VPS53: variants seen among roughly 807,000 people sequenced by gnomAD.
VPS53 encodes the protein vacuolar protein sorting-associated protein 53 homolog.
Under a neutral mutation model 107.0 loss-of-function variants are expected in VPS53, and 70 were observed. The observed-to-expected ratio is 0.65, with a 90% CI of 0.54 to 0.80. VPS53 has a LOEUF of 0.80. Among genes scored for constraint, VPS53 ranks in the 30% least tolerant of loss-of-function variants. The pLI, the probability that VPS53 is intolerant of heterozygous loss-of-function variation, is 0.00. For missense variants in VPS53, 917 were observed against 1,049.4 expected, an observed-to-expected ratio of 0.87 and a Z score of 1.74; for synonymous variants, 409 against 393.3, an observed-to-expected ratio of 1.04 and a Z score of -0.47.
At chr17:656,733 TTATC>T (rs1393991418) in intron 5 of VPS53, 28 of 754,118 alleles carry the variant, frequency 3.7e-5, no homozygotes, top group Middle Eastern at 5.1e-4. Flanking sequence ...TGTGTGTGTT[TTATC>T]ATGCCACATT....
At chr17:605,717 G>A (rs529493127) in intron 11 of VPS53, among the ~76,000 whole-genome samples, 1 of 134,430 alleles carries the variant, frequency 7.4e-6, no homozygotes, top group Non-Finnish European at 1.6e-5. Flanking sequence ...ATATTGGTGA[G>A]TCAGGGACGG....
chr17:700,939 G>A (rs1308008573), intron 2 of VPS53, among the ~76,000 whole-genome samples: 1 of 152,190 alleles, frequency 6.6e-6, no homozygotes, highest in Non-Finnish European at 1.5e-5. Flanking sequence ...TGTTTGAGAT[G>A]TCAGACTGGG....
At chr17:605,417 T>C (rs1255403018) in intron 11 of VPS53, among the ~76,000 whole-genome samples, 1 of 150,636 alleles carries the variant, frequency 6.6e-6, no homozygotes, top group Non-Finnish European at 1.5e-5. Context: ...GGAGACCCGG[T>C]GGAGACGCTG....
chr17:578,431 T>C (rs151081213), intron 13 of VPS53, among the ~76,000 whole-genome samples: 94 of 150,478 alleles, frequency 6.2e-4, no homozygotes, highest in South Asian at 1.9e-3. Flanking sequence ...ACGTAATGCA[T>C]TCCCAGACAA....
intron 10 of VPS53, among the ~76,000 whole-genome samples, chr17:625,828 G>A (rs758427129): frequency 5.9e-5 from 9 of 152,076 alleles, no homozygotes; most frequent in Non-Finnish European, 7.3e-5. Context: ...TAAAAAAGAC[G>A]GCCATGGATT....
chr17:532,665 T>C, intron 19 of VPS53, 177 bp downstream of exon 19: 1 of 1,403,760 alleles, frequency 7.1e-7, no homozygotes, highest in Non-Finnish European at 9.3e-7. Flanking sequence ...TCAAACAAAA[T>C]TTTTAAAAAT....
At position 610,127 on chromosome 17, in the gene VPS53, TCACACACACACACACACACACACACA is replaced by T. The variant is rs200106767; in HGVS notation, c.1117-8257_1117-8232del. On this transcript the variant is annotated intron_variant, in intron 11 of 21. Coordinates refer to ENST00000437048, the MANE Select transcript of VPS53 (RefSeq NM_001128159.3). ...GCCTGGGCGACAGAGTGAGACTCCGTCACACACACACACACACACACACACACACACACACACACACACACACACAC... is the reference window on the plus strand; with the variant it reads ...GCCTGGGCGACAGAGTGAGACTCCGTCACACACACACACACACACACACAC... Among the ~76,000 whole-genome samples, 11 of 134,612 alleles carry T rather than the reference TCACACACACACACACACACACACACA, an allele frequency of 8.2e-5. No homozygotes were observed. In the South Asian group the frequency reaches 2.0e-3, roughly 25 times the overall value. The allele number at this position is 134,612 out of a possible 152,430, so 88.3% of individuals were successfully genotyped here. A position where few individuals can be genotyped will look rare whatever the true frequency, so the allele number is the denominator to read the frequency against.
intron 15 of VPS53, among the ~76,000 whole-genome samples, chr17:557,185 C>T (rs1242769328): frequency 6.6e-6 from 1 of 152,204 alleles, no homozygotes; most frequent in Non-Finnish European, 1.5e-5. Flanking sequence ...AAACTATTTA[C>T]ACCTCTCTTC....
At chr17:660,529 T>C (rs570719477) in intron 5 of VPS53, among the ~76,000 whole-genome samples, 1 of 152,304 alleles carries the variant, frequency 6.6e-6, no homozygotes, top group African/African-American at 2.4e-5. Context: ...ATTAGCATCA[T>C]AAGGATATCA....
chr17:668,163 G>A (rs572949898), intron 4 of VPS53, among the ~76,000 whole-genome samples: 1 of 152,258 alleles, frequency 6.6e-6, no homozygotes, highest in East Asian at 1.9e-4. Flanking sequence ...AGAGCCCATA[G>A]CTGAGCCAAT....
chr17:522,729 T>G (rs1908845756), intron 19 of VPS53, among the ~76,000 whole-genome samples: 1 of 152,242 alleles, frequency 6.6e-6, no homozygotes. Context: ...TACCTTTTCC[T>G]CTTTGTTTGT....
At chr17:592,879 C>T (rs1967741400) in intron 12 of VPS53, among the ~76,000 whole-genome samples, 1 of 152,148 alleles carries the variant, frequency 6.6e-6, no homozygotes, top group Non-Finnish European at 1.5e-5. Flanking sequence ...TGTTGCTCTT[C>T]TCGAGGAGTA....
chr17:693,487 C>G (rs1972843904), intron 4 of VPS53, among the ~76,000 whole-genome samples: 1 of 152,088 alleles, frequency 6.6e-6, no homozygotes, highest in African/African-American at 2.4e-5. Flanking sequence ...TTTGGGAGCC[C>G]AAGGCAGGAG....
intron 7 of VPS53, chr17:632,899 T>A: frequency 2.5e-6 from 1 of 398,250 alleles, no homozygotes; most frequent in Non-Finnish European, 5.0e-6. Flanking sequence ...ATGAAAAGAA[T>A]GTTTTCTAAG....
chr17:568,985 G>C (rs1913804099), intron 13 of VPS53, among the ~76,000 whole-genome samples: 1 of 152,164 alleles, frequency 6.6e-6, no homozygotes, highest in South Asian at 2.1e-4. Flanking sequence ...AGGCAATCTG[G>C]AAGCAATGAC....
intron 4 of VPS53, among the ~76,000 whole-genome samples, chr17:694,326 G>A (rs941646806): frequency 6.6e-6 from 1 of 152,322 alleles, no homozygotes; most frequent in African/African-American, 2.4e-5. Context: ...GGAGAACGCC[G>A]ACATTCCTGC....
intron 4 of VPS53, among the ~76,000 whole-genome samples, chr17:678,295 A>G (rs1267251742): frequency 6.8e-6 from 1 of 147,700 alleles, no homozygotes. Flanking sequence ...GGTGGCGGGC[A>G]CCTGTAGTCC....
intron 4 of VPS53, among the ~76,000 whole-genome samples, chr17:670,999 G>A (rs1035001832): frequency 3.9e-5 from 6 of 152,292 alleles, no homozygotes; most frequent in African/African-American, 1.4e-4. Flanking sequence ...CGGAGGCCGA[G>A]GCAGGCAAAT....
intron 13 of VPS53, among the ~76,000 whole-genome samples, chr17:583,161 G>A (rs577192790): frequency 6.0e-4 from 89 of 148,064 alleles, no homozygotes; most frequent in African/African-American, 2.1e-3. Flanking sequence ...AACCTAATGC[G>A]TTCCCAAAGA....
Sources: allele counts gnomAD v4.1 joint callset (sites outside exome capture counted in the v4.1 genomes callset), GRCh38; gene constraint gnomAD v4.1.1; transcripts MANE v1.5; gene names NCBI Gene and HGNC (gene_info 2026-07-23, HGNC 2026-07-21).